SGSH: variants seen among roughly 807,000 people sequenced by gnomAD.
The protein encoded by SGSH is N-sulfoglucosamine sulfohydrolase, also known as heparan sulfate sulfatase.
Under a neutral mutation model 51.0 loss-of-function variants are expected in SGSH, and 48 were observed. That is an observed-to-expected ratio of 0.94 (90% CI 0.75 to 1.20). The LOEUF is 1.20. SGSH is among the 50% of genes most tolerant of loss of function. The probability of loss-of-function intolerance (pLI) is 0.00; values close to 1 mark genes in which losing one functional copy is unlikely to be tolerated. For synonymous variants in SGSH, 321 were observed against 313.4 expected, an observed-to-expected ratio of 1.02 and a Z score of -0.26; for missense variants, 662 against 717.8, an observed-to-expected ratio of 0.92 and a Z score of 0.89.
intron 1 of SGSH, chr17:80,219,864 G>A: frequency 4.5e-6 from 1 of 224,716 alleles, no homozygotes; most frequent in Non-Finnish European, 8.7e-6. Flanking sequence ...CACCCTGTCT[G>A]CAGTCTCTGG....
chr17:80,215,024 G>A lies in SGSH; in HGVS notation c.355+9C>T, dbSNP rs746912493. ...ACCCCACGCCCTGTCCTCGGCACGG[G>A]GTCCTCACCTGTGCGCACACCAGCT... is the stretch of plus-strand genomic sequence containing the variant. On this transcript the variant is annotated intron_variant, in intron 3 of 7. Coordinates refer to ENST00000326317, the MANE Select transcript of SGSH (RefSeq NM_000199.5). 19 of 1,605,000 alleles carry A rather than the reference G, an allele frequency of 1.2e-5. No homozygotes were observed. In the East Asian group the frequency reaches 4.2e-4, roughly 36 times the overall value.
At chr17:80,205,715 AG>A (rs2144576449), downstream of SGSH, 4 of 1,467,232 alleles carry the variant, frequency 2.7e-6, no homozygotes, top group African/African-American at 2.8e-5. Flanking sequence ...AATGCAGAGG[AG>A]GGGGATGAGA....
chr17:80,217,968 C>A (rs1282332991), intron 1 of SGSH, among the ~76,000 whole-genome samples: 1 of 151,810 alleles, frequency 6.6e-6, no homozygotes, highest in African/African-American at 2.4e-5. Context: ...CCAGGCAAGC[C>A]TGGTACCTGC....
At chr17:80,205,428 C>A, downstream of SGSH, 1 of 1,463,940 alleles carries the variant, frequency 6.8e-7, no homozygotes, top group Non-Finnish European at 9.3e-7. Context: ...AAGAGCTTCT[C>A]CCAGTGCTGG....
chr17:80,219,980 C>A, intron 1 of SGSH: 2 of 407,048 alleles, frequency 4.9e-6, no homozygotes, highest in Non-Finnish European at 8.7e-6. Context: ...GTGGGACAGG[C>A]GGCACGAGGT....
chr17:80,208,463 C>G (rs1279742037), downstream of SGSH: 2 of 953,280 alleles, frequency 2.1e-6, no homozygotes, highest in Non-Finnish European at 3.0e-6. Context: ...GAGGCCGGCT[C>G]TCCCCACTGG....
intron 1 of SGSH, among the ~76,000 whole-genome samples, chr17:80,218,398 ACTC>A (rs2041972848): frequency 6.6e-6 from 1 of 152,182 alleles, no homozygotes; most frequent in African/African-American, 2.4e-5. Context: ...AGGCCGCTGA[ACTC>A]CTACAACCAC....
downstream of SGSH, chr17:80,209,112 G>T: frequency 5.8e-6 from 1 of 172,900 alleles, no homozygotes; most frequent in Non-Finnish European, 1.2e-5. Flanking sequence ...CCCTTCTTGG[G>T]CCAAACATCT....
rs149139346 is a variant in SGSH, at chr17:80,210,962, G to A, written c.999C>T (p.Tyr333=). The change falls in exon 8 of 8, where the codon TAC becomes TAT. Residue 333 remains tyrosine, a synonymous_variant. Coordinates refer to ENST00000326317, the MANE Select transcript of SGSH (RefSeq NM_000199.5). ...LDWFSIPYPS[Y]AIFGSKTIHL... ...GGATGGTCTTCGAGCCAAAGATGGC[G>A]TAGCTGGGGTACGGGATCGAGAACC... The A allele has an allele frequency of 8.6e-5, 137 of 1,601,660 alleles. No homozygotes were observed. In the African/African-American group the frequency reaches 1.0e-3, roughly 12 times the overall value.
At chr17:80,203,797 T>G (rs1188348812), downstream of SGSH, 1 of 1,550,738 alleles carries the variant, frequency 6.4e-7, no homozygotes, top group African/African-American at 1.4e-5. This position sits in a 1 kb window ranked among gnomAD's most constrained non-coding sequence, Gnocchi z 4.6. Flanking sequence ...GGCAGCTGGG[T>G]CAGGGCCTCT....
downstream of SGSH, chr17:80,204,099 T>G: frequency 1.1e-6 from 1 of 946,054 alleles, no homozygotes; most frequent in South Asian, 1.7e-5. Context: ...CACCTCAGGC[T>G]GTTCTCAGAG....
chr17:80,202,031 C>A, downstream of SGSH: 1 of 1,216,340 alleles, frequency 8.2e-7, no homozygotes, highest in Non-Finnish European at 1.2e-6. Flanking sequence ...CCCAAGCCAG[C>A]TGGAAACCTC....
Position 80,210,158 on chromosome 17 carries a change from G to T in SGSH, c.*294C>A. On this transcript the variant is annotated 3_prime_UTR_variant, in exon 8 of 8. Coordinates refer to ENST00000326317, the MANE Select transcript of SGSH (RefSeq NM_000199.5). ...GGGCGCTGCCCTGTCCGCAGACCAC[G>T]TATGTCTAGAATTCCCGTGCTGGGA... 7.5e-7 allele frequency: 1 copy of T among 1,335,914 alleles called. No individual in the cohort carries two copies. The allele number at this position is 1,335,914 out of a possible 1,614,324, so 82.8% of individuals were successfully genotyped here. A position where few individuals can be genotyped will look rare whatever the true frequency, so the allele number is the denominator to read the frequency against.
chr17:80,204,283 G>T, downstream of SGSH: 1 of 1,601,738 alleles, frequency 6.2e-7, no homozygotes, highest in Non-Finnish European at 8.5e-7. Flanking sequence ...ACAAAGCCAA[G>T]GCCAGCCCTC....
At chr17:80,205,255 C>T, downstream of SGSH, 1 of 1,493,004 alleles carries the variant, frequency 6.7e-7, no homozygotes, top group African/African-American at 1.4e-5. Flanking sequence ...TCCCTCCCTC[C>T]CTCCTCCCCT....
chr17:80,205,282 C>T (rs2144562811), downstream of SGSH: 7 of 1,311,054 alleles, frequency 5.3e-6, no homozygotes, highest in Middle Eastern at 1.9e-4. Flanking sequence ...CTCCTTCCTC[C>T]CCTTCCTCCC....
In SGSH at chr17:80,214,156, G is replaced by A. The variant is rs973240120; in HGVS notation, c.663+16C>T. 6.2e-7 allele frequency: 1 copy of A among 1,601,882 alleles called. No individual in the cohort carries two copies. The highest frequency in any genetic ancestry group is 8.5e-7 in the Non-Finnish European group (1 of 1,175,480). The stretch of plus-strand genomic sequence containing the variant: ...GGGCTGACGGGCGTCCTGAAACACA[G>A]GAGGGGCCGTCCTACCAGCACGTCC... On this transcript the variant is annotated intron_variant, in intron 5 of 7. Coordinates refer to ENST00000326317, the MANE Select transcript of SGSH (RefSeq NM_000199.5).
At position 80,213,663 on chromosome 17, in the gene SGSH, T is replaced by C. The variant is rs1377995803; in HGVS notation, c.745+141A>G. 3 of 779,724 alleles carry C rather than the reference T, an allele frequency of 3.8e-6. No individual in the cohort carries two copies. The African/African-American group carries it at 5.1e-5, about 13-fold the overall frequency. The allele number at this position is 779,724 out of a possible 1,614,324, so 48.3% of individuals were successfully genotyped here. A position where few individuals can be genotyped will look rare whatever the true frequency, so the allele number is the denominator to read the frequency against. On this transcript the variant is annotated intron_variant, in intron 6 of 7. Coordinates refer to ENST00000326317, the MANE Select transcript of SGSH (RefSeq NM_000199.5). The surrounding 1 kb of genome is among the most constrained non-coding windows in gnomAD (Gnocchi z 4.6). Reference sequence around the variant, plus strand: ...GCCACCCACAGGCCCCTCCTCTCAATGTGGGCTCTGCCAGCTGCAGCACAG... The same window carrying C: ...GCCACCCACAGGCCCCTCCTCTCAACGTGGGCTCTGCCAGCTGCAGCACAG...
chr17:80,214,813 C>G (rs779852669), intron 3 of SGSH, 48 bp from the exon 4 acceptor site: 1 of 1,598,722 alleles, frequency 6.3e-7, no homozygotes, highest in East Asian at 2.2e-5. Context: ...CCTCCCAACC[C>G]TTTCTGCTCC....
Sources: allele counts gnomAD v4.1 joint callset (sites outside exome capture counted in the v4.1 genomes callset), GRCh38; gene constraint gnomAD v4.1.1; non-coding constraint Gnocchi (gnomAD v3.1); transcripts MANE v1.5; gene names NCBI Gene and HGNC (gene_info 2026-07-23, HGNC 2026-07-21).